The following WDR35 variants were observed in gnomAD, a reference collection of about 807,000 sequenced individuals.
WDR35 encodes the protein WD repeat-containing protein 35.
A neutral mutation model predicts 158.3 loss-of-function variants in WDR35; 118 were observed. The ratio of observed to expected loss-of-function variants is 0.75; its 90% CI spans 0.64 to 0.87. The LOEUF is 0.87. Among genes scored for constraint, WDR35 ranks in the 40% least tolerant of loss-of-function variants. The pLI is 0.00. For missense variants in WDR35, 1,263 were observed against 1,405.8 expected, an observed-to-expected ratio of 0.90 and a Z score of 1.62; for synonymous variants, 448 against 476.1, an observed-to-expected ratio of 0.94 and a Z score of 0.77.
chr2:19,918,660 A>C (rs1670064985), intron 25 of WDR35, among the ~76,000 whole-genome samples: 1 of 152,262 alleles, frequency 6.6e-6, no homozygotes. Flanking sequence ...AGGGCATTAC[A>C]TAATGTTAAA....
chr2:19,920,854 C>A (rs1000296686), intron 25 of WDR35, among the ~76,000 whole-genome samples: 2 of 152,198 alleles, frequency 1.3e-5, no homozygotes, highest in African/African-American at 4.8e-5. Flanking sequence ...CCCAAATCTC[C>A]TTAAGCTGAT....
At chr2:19,930,634 G>C in intron 24 of WDR35, 82 bp from the exon 25 acceptor site, 6 of 1,573,906 alleles carry the variant, frequency 3.8e-6, no homozygotes, top group Non-Finnish European at 5.2e-6. Flanking sequence ...AGTCATTAAA[G>C]TATCTAAATG....
At chr2:19,916,083 G>A (rs1417453622) in intron 25 of WDR35, among the ~76,000 whole-genome samples, 1 of 152,180 alleles carries the variant, frequency 6.6e-6, no homozygotes, top group Non-Finnish European at 1.5e-5. Flanking sequence ...GACAGTGGGT[G>A]CAGCCCAAGG....
chr2:19,936,176 A>T, intron 20 of WDR35, 43 bp downstream of exon 20: 1 of 1,613,212 alleles, frequency 6.2e-7, no homozygotes, highest in Non-Finnish European at 8.5e-7. Context: ...GCAGCTACTA[A>T]GTGTTGCATG....
Position 19,989,885 on chromosome 2 carries a change from C to G in WDR35, c.24+107G>C. 10 of 1,551,448 alleles carry G rather than the reference C, an allele frequency of 6.4e-6. No homozygotes were observed. In the South Asian group the frequency reaches 1.2e-4, roughly 18 times the overall value. ...GAAGGATGGCTGCGGAATGGCGAAG[C>G]CACGACCAGGACCGGGTGAAGGAGC... is the stretch of plus-strand genomic sequence containing the variant. On this transcript the variant is annotated intron_variant, in intron 1 of 26. Transcript: ENST00000281405.
chr2:19,985,193 AT>A (rs1439266804), intron 2 of WDR35, among the ~76,000 whole-genome samples: 1 of 151,892 alleles, frequency 6.6e-6, no homozygotes, highest in East Asian at 1.9e-4. Context: ...AGGGCTCTCT[AT>A]TTCCTCTCAT....
chr2:19,921,332 A>ACAAGG (rs1018341834), intron 25 of WDR35, among the ~76,000 whole-genome samples: 1 of 152,210 alleles, frequency 6.6e-6, no homozygotes, highest in Non-Finnish European at 1.5e-5. Flanking sequence ...GAACTATACT[A>ACAAGG]CAAGGCTACA....
At chr2:19,983,106 G>C (rs1341195091) in intron 2 of WDR35, among the ~76,000 whole-genome samples, 1 of 152,140 alleles carries the variant, frequency 6.6e-6, no homozygotes, top group African/African-American at 2.4e-5. Context: ...TATAAACTGG[G>C]AATGTGAAAG....
chr2:19,954,782 A>G (rs1053918595), intron 11 of WDR35, among the ~76,000 whole-genome samples: 2 of 152,258 alleles, frequency 1.3e-5, no homozygotes, highest in Non-Finnish European at 2.9e-5. Flanking sequence ...TATATGCCTC[A>G]GCAATTCCAC....
At chr2:19,967,497 A>G (rs183723748) in intron 9 of WDR35, among the ~76,000 whole-genome samples, 2 of 152,240 alleles carry the variant, frequency 1.3e-5, no homozygotes, top group African/African-American at 4.8e-5. Context: ...CACATTATCT[A>G]TTGATTATGG....
chr2:19,940,204 A>C (rs1231909126), intron 17 of WDR35, among the ~76,000 whole-genome samples: 2 of 150,766 alleles, frequency 1.3e-5, no homozygotes, highest in Admixed American at 6.6e-5. Flanking sequence ...AAAAAAAAAA[A>C]AAAACACAAA....
At chr2:19,950,041 T>C (rs914788644) in intron 13 of WDR35, among the ~76,000 whole-genome samples, 2 of 152,124 alleles carry the variant, frequency 1.3e-5, no homozygotes, top group African/African-American at 2.4e-5. Flanking sequence ...ATTGGAAATA[T>C]ACATATTAGA....
chr2:19,949,300 G>A (rs372834892), intron 13 of WDR35, among the ~76,000 whole-genome samples: 6 of 152,168 alleles, frequency 3.9e-5, no homozygotes, highest in Admixed American at 6.5e-5. Flanking sequence ...GAGTAGTTGT[G>A]GCTATTTATA....
At chr2:19,976,986 ATTTG>A (rs1672238364) in intron 5 of WDR35, among the ~76,000 whole-genome samples, 1 of 151,664 alleles carries the variant, frequency 6.6e-6, no homozygotes, top group African/African-American at 2.4e-5. Flanking sequence ...CGCCCAGATA[ATTTG>A]TTTTGTTTTT....
intron 5 of WDR35, among the ~76,000 whole-genome samples, chr2:19,977,482 T>C (rs995878485): frequency 6.6e-6 from 1 of 152,256 alleles, no homozygotes; most frequent in Admixed American, 6.5e-5. Context: ...TTCTGCCTCC[T>C]GAGTATGTAT....
At chr2:19,923,657 T>A in intron 25 of WDR35, among the ~76,000 whole-genome samples, 1 of 152,168 alleles carries the variant, frequency 6.6e-6, no homozygotes, top group East Asian at 1.9e-4. Context: ...GTTGCCCCAG[T>A]GACTGTTCGA....
At chr2:19,913,970 A>G in intron 26 of WDR35, 67 bp downstream of exon 26, 2 of 1,605,488 alleles carry the variant, frequency 1.2e-6, no homozygotes, top group Admixed American at 1.7e-5. Context: ...TACATTAAAC[A>G]TTGTACATCT....
At chr2:19,945,008 A>G (rs1671002611) in intron 16 of WDR35, among the ~76,000 whole-genome samples, 1 of 152,172 alleles carries the variant, frequency 6.6e-6, no homozygotes, top group Admixed American at 6.6e-5. Flanking sequence ...AGAAAATTCC[A>G]AATTGAAAAT....
chr2:19,952,040 G>A (rs916532421), intron 12 of WDR35: 1 of 152,956 alleles, frequency 6.5e-6, no homozygotes, highest in African/African-American at 2.4e-5. Flanking sequence ...AATTTAAGGG[G>A]TACAAAAGTA....
Sources: gnomAD v4.1 joint callset for allele counts (sites outside exome capture counted in the v4.1 genomes callset) on GRCh38, gnomAD v4.1.1 for gene constraint, MANE v1.5 for transcripts, NCBI Gene and HGNC (gene_info 2026-07-23, HGNC 2026-07-21) for gene names.